RPGR: variants seen among roughly 807,000 people sequenced by gnomAD.
RPGR encodes retinitis pigmentosa GTPase regulator.
RPGR carries 10 observed loss-of-function variants against 56.3 expected under a neutral mutation model. The observed-to-expected ratio is 0.18, with a 90% CI of 0.11 to 0.30. The LOEUF is 0.30. Ranked by LOEUF, RPGR falls within the 10% of genes least tolerant of loss-of-function variation. The probability of loss-of-function intolerance (pLI) is 1.00; values close to 1 mark genes in which losing one functional copy is unlikely to be tolerated. For missense variants in RPGR, 538 were observed against 590.9 expected, an observed-to-expected ratio of 0.91 and a Z score of 0.93; for synonymous variants, 197 against 212.9, an observed-to-expected ratio of 0.93 and a Z score of 0.65.
intron 15 of RPGR, chrX:38,286,885 C>T: frequency 3.3e-6 from 4 of 1,206,758 alleles, no homozygotes; most frequent in Non-Finnish European, 4.5e-6. Context: ...TTCCCCATCC[C>T]TCTTCTTCCA....
chrX:38,284,878 T>C (rs1329286549), intron 15 of RPGR: 8 of 748,583 alleles, frequency 1.1e-5, no homozygotes, highest in Non-Finnish European at 1.3e-5. Flanking sequence ...ACATTTAAAT[T>C]AATCACCATT....
chrX:38,271,733 A>C (rs189971076), intron 18 of RPGR, among the ~76,000 whole-genome samples: 1 of 112,239 alleles, frequency 8.9e-6, no homozygotes, highest in African/African-American at 3.2e-5. Flanking sequence ...GGATTTCCAC[A>C]AAAAAAGTAC....
intron 15 of RPGR, chrX:38,286,937 T>C (rs1427093009): frequency 1.2e-5 from 14 of 1,204,414 alleles, no homozygotes; most frequent in Non-Finnish European, 1.6e-5. Flanking sequence ...TCTCCTGGCC[T>C]CTCCATTTCT....
At chrX:38,315,838 T>TAG (rs34373117) in intron 6 of RPGR, among the ~76,000 whole-genome samples, 1,184 of 90,775 alleles carry the variant, frequency 0.013, 17 homozygotes, top group African/African-American at 0.044. Flanking sequence ...TATATATATA[T>TAG]AGAGAGAGAG....
At chrX:38,273,360 CA>C in intron 18 of RPGR, 3 of 1,099,556 alleles carry the variant, frequency 2.7e-6, no homozygotes, top group Non-Finnish European at 3.7e-6. Context: ...TCAAAAGGAT[CA>C]AAAAAGACAA....
chrX:38,303,651 C>T, intron 8 of RPGR: 1 of 289,415 alleles, frequency 3.5e-6, no homozygotes. Flanking sequence ...TTTCATGATA[C>T]ATTCTCAAGA....
chrX:38,297,519 C>A, intron 10 of RPGR, 67 bp from the exon 11 acceptor site: 1 of 974,492 alleles, frequency 1.0e-6, no homozygotes, highest in Admixed American at 2.6e-5. Flanking sequence ...TATAAACTTT[C>A]CTAAAAGTTG....
At chrX:38,311,366 TTA>T (rs2067715029) in intron 6 of RPGR, among the ~76,000 whole-genome samples, 1 of 112,437 alleles carries the variant, frequency 8.9e-6, no homozygotes, top group African/African-American at 3.2e-5. Flanking sequence ...TCACACTGTA[TTA>T]TGACTGTGAA....
At chrX:38,273,716 C>T (rs2066881923) in intron 17 of RPGR, 2 of 289,838 alleles carry the variant, frequency 6.9e-6, no homozygotes, top group Non-Finnish European at 1.2e-5. Context: ...AATATAGCTA[C>T]AAAGGTAATA....
At chrX:38,272,127 A>C (rs2066851771) in intron 18 of RPGR, among the ~76,000 whole-genome samples, 1 of 111,529 alleles carries the variant, frequency 9.0e-6, no homozygotes, top group African/African-American at 3.3e-5. Context: ...AGAAAACAAG[A>C]AGGTGATATT....
At chrX:38,314,298 A>C (rs2067777083) in intron 6 of RPGR, among the ~76,000 whole-genome samples, 1 of 111,676 alleles carries the variant, frequency 9.0e-6, no homozygotes, top group African/African-American at 3.3e-5. Flanking sequence ...TAAAAAATAA[A>C]ATAACATTTA....
intron 8 of RPGR, 47 bp downstream of exon 8, chrX:38,304,588 A>C: frequency 1.0e-6 from 1 of 1,002,575 alleles, no homozygotes; most frequent in Non-Finnish European, 1.4e-6. Flanking sequence ...TTTTGTAATA[A>C]AATATACCCA....
Position 38,301,235 on chromosome X carries a change from T to C in RPGR, c.1059+12A>G. 1 of 1,186,431 alleles carries C rather than the reference T, an allele frequency of 8.4e-7. No individual in the cohort carries two copies. Among genetic ancestry groups the C allele is most frequent in the Non-Finnish European group, 1.1e-6 (1 of 874,591 alleles). ...ATATGAAAATATAAACAGGGAAATG[T>C]GATGCCCTTACCAATTTAACTATAA... On this transcript the variant is annotated intron_variant, in intron 9 of 18. Coordinates refer to ENST00000642395, the MANE Select transcript of RPGR (RefSeq NM_000328.3).
chrX:38,296,149 A>C (rs1438948321), intron 11 of RPGR: 1 of 109,835 alleles, frequency 9.1e-6, no homozygotes, highest in East Asian at 2.9e-4. Flanking sequence ...GCATGTCTAC[A>C]AAAAAAATAC....
chrX:38,282,700 A>T (rs1331773846), intron 15 of RPGR, among the ~76,000 whole-genome samples: 2 of 111,611 alleles, frequency 1.8e-5, no homozygotes, highest in Non-Finnish European at 3.8e-5. Context: ...TATTTTTGCT[A>T]TGTAAGTGTA....
At chrX:38,312,691 C>T (rs1241910224) in intron 6 of RPGR, among the ~76,000 whole-genome samples, 1 of 111,706 alleles carries the variant, frequency 9.0e-6, no homozygotes, top group Non-Finnish European at 1.9e-5. Context: ...TGCCTGTAAT[C>T]CCAGCAGTTT....
chrX:38,289,510 A>G (rs944919010), intron 13 of RPGR, among the ~76,000 whole-genome samples: 1 of 112,436 alleles, frequency 8.9e-6, no homozygotes, highest in East Asian at 2.8e-4. Flanking sequence ...GGATGCAAAT[A>G]TCTAATGAAT....
chrX:38,301,505 G>C (rs1307477067), intron 8 of RPGR, 134 bp from the exon 9 acceptor site: 1 of 545,578 alleles, frequency 1.8e-6, no homozygotes, highest in Non-Finnish European at 3.0e-6. Context: ...TTACTCTATT[G>C]ATCTTTCCAC....
rs762580258 is a variant in RPGR at position 38,314,119 on chromosome X, G to A, written c.619+3197C>T. Among the ~76,000 whole-genome samples, 4 of 111,240 alleles carry A rather than the reference G, an allele frequency of 3.6e-5. No individual in the cohort carries two copies. The South Asian group carries it at 1.5e-3, about 42-fold the overall frequency. On this transcript the variant is annotated intron_variant, in intron 6 of 18. Coordinates refer to ENST00000642395, the MANE Select transcript of RPGR (RefSeq NM_000328.3). ...TAAGAAGGTTTACAATTTGTGATGG[G>A]CGGCATTCTAAGCCATCCTAGGCTG...
Sources: gnomAD v4.1 joint callset for allele counts (sites outside exome capture counted in the v4.1 genomes callset) on GRCh38, gnomAD v4.1.1 for gene constraint, MANE v1.5 for transcripts, NCBI Gene and HGNC (gene_info 2026-07-23, HGNC 2026-07-21) for gene names.